Variants in MRPL44 observed in about 807,000 individuals in gnomAD.
The protein encoded by MRPL44 is mitochondrial ribosomal protein L44.
Under a neutral mutation model 25.9 loss-of-function variants are expected in MRPL44, and 21 were observed. That is an observed-to-expected ratio of 0.81 (90% CI 0.58 to 1.17). The LOEUF is 1.17. Ranked by LOEUF, MRPL44 falls within the 50% of genes most tolerant of loss-of-function variation. The pLI is 0.00. For synonymous variants in MRPL44, 169 were observed against 151.0 expected (o/e 1.12, Z -0.87); for missense variants, 410 against 398.9 (o/e 1.03, Z -0.24).
In MRPL44 at chr2:223,967,248, C is replaced by T. The variant is rs1291565369; in HGVS notation, c.*214C>T. 536 of 515,030 alleles carry T rather than the reference C, an allele frequency of 1.0e-3. 3 individuals are homozygous for T. Among genetic ancestry groups the T allele is most frequent in the African/African-American group, 9.6e-3 (482 of 50,202 alleles). 31.9% of individuals were successfully genotyped at this position (515,030 alleles called of 1,614,324 possible). A position where few individuals can be genotyped will look rare whatever the true frequency, so the allele number is the denominator to read the frequency against. On this transcript the variant is annotated 3_prime_UTR_variant, in exon 4 of 4. Coordinates refer to ENST00000258383, the MANE Select transcript of MRPL44 (RefSeq NM_022915.5). The stretch of plus-strand genomic sequence containing the variant: ...TTTGATCAAATCTTTTTTTTTTTCT[C>T]TTGAGATGGAGTCTTACTCTGTCGC...
rs573530589 is a variant in MRPL44 at position 223,966,917 on chromosome 2, A to G, written c.882A>G (p.Glu294=). 9.9e-6 allele frequency: 16 copies of G among 1,614,182 alleles called. No homozygotes were observed. The African/African-American group carries it at 1.3e-4, about 13-fold the overall frequency. The change falls in exon 4 of 4, where the codon GAA becomes GAG. Residue 294 remains glutamate (E), a synonymous_variant. Transcript: ENST00000258383. Reference sequence around the variant, plus strand: ...GGGAAACAGTATTGGTTGCAGAAGAAGAGGCTGCTCGAGTGGCCCTTAGAA... The same window carrying G: ...GGGAAACAGTATTGGTTGCAGAAGAGGAGGCTGCTCGAGTGGCCCTTAGAA... The part of the protein sequence containing the change: ...GPGETVLVAE[E]EAARVALRKL...
Position 223,966,852 on chromosome 2 carries a change from T to C in MRPL44, c.828-11T>C, listed in dbSNP as rs1559186450. 1 of 1,608,436 alleles carries C rather than the reference T, an allele frequency of 6.2e-7. No homozygotes were observed. Among genetic ancestry groups the C allele is most frequent in the African/African-American group, 1.3e-5 (1 of 74,508 alleles). On this transcript the variant is annotated splice_polypyrimidine_tract_variant and intron_variant, in intron 3 of 3. Transcript: ENST00000258383. ...CATGTAATTTAAGACTACTGTTTGT[T>C]CTCTTTCTAGTGATAAAAAGTTGAT... is the stretch of plus-strand genomic sequence containing the variant.
At chr2:223,965,592 A>G (rs1401651478) in intron 3 of MRPL44, 1 of 152,226 alleles carries the variant, frequency 6.6e-6, no homozygotes, top group Non-Finnish European at 1.5e-5. Context: ...AAATAGGATT[A>G]TAGTTATTTG....
chr2:223,958,939 G>A (rs1689612694), intron 1 of MRPL44, among the ~76,000 whole-genome samples: 1 of 152,178 alleles, frequency 6.6e-6, no homozygotes, highest in South Asian at 2.1e-4. Context: ...GACACAAAGT[G>A]AGCACATGCA....
In MRPL44 at chr2:223,959,642, C is replaced by G; in HGVS notation, c.288C>G (p.Cys96Trp). The change falls in exon 2 of 4, where the codon TGC becomes TGG. Residue 96 changes from cysteine to tryptophan, a missense_variant. Cys to Trp is a radical substitution (Grantham distance 215). Transcript: ENST00000258383. ...TCAAAACTGCATTTGTTAATAGCTG[C>G]TATATTAAAAGTGAGGAGGCCAAAC... ...DLLKTAFVNS[C>W]YIKSEEAKRQ... The G allele has an allele frequency of 6.2e-7, 1 of 1,614,134 alleles. No individual in the cohort carries two copies.
chr2:223,957,707 C>A, intron 1 of MRPL44, 56 bp downstream of exon 1: 1 of 1,534,280 alleles, frequency 6.5e-7, no homozygotes, highest in Non-Finnish European at 8.7e-7. Context: ...ACTGGGTCTT[C>A]TTCCCGCGGC....
At chr2:223,959,313 G>A (rs112387418) in intron 1 of MRPL44, among the ~76,000 whole-genome samples, 1 of 152,084 alleles carries the variant, frequency 6.6e-6, no homozygotes, top group Non-Finnish European at 1.5e-5. Context: ...TGGATCAAAG[G>A]GAAAATTAAT....
the MRPL44 span, among the ~76,000 whole-genome samples, chr2:223,951,888 G>A: frequency 6.6e-6 from 1 of 152,168 alleles, no homozygotes; most frequent in Non-Finnish European, 1.5e-5. Flanking sequence ...TAGTTGTACT[G>A]TAAGAATGAT....
At chr2:223,960,388 G>A (rs1362152000) in intron 2 of MRPL44, among the ~76,000 whole-genome samples, 1 of 152,232 alleles carries the variant, frequency 6.6e-6, no homozygotes, top group African/African-American at 2.4e-5. Flanking sequence ...GTGATGAAAT[G>A]TTGGATTTCA....
chr2:223,957,701 G>A (rs1279403597), intron 1 of MRPL44, 50 bp downstream of exon 1: 1 of 1,551,960 alleles, frequency 6.4e-7, no homozygotes, highest in East Asian at 2.3e-5. Flanking sequence ...GCAGACACTG[G>A]GTCTTCTTCC....
At position 223,957,480 on chromosome 2, in the gene MRPL44, C is replaced by A. The variant is rs370632812; in HGVS notation, c.8C>A (p.Ser3Tyr). The A allele has an allele frequency of 6.2e-7, 1 of 1,614,158 alleles. No homozygotes were observed. Among genetic ancestry groups the A allele is most frequent in the Non-Finnish European group, 8.5e-7 (1 of 1,180,026 alleles). The stretch of plus-strand genomic sequence containing the variant: ...ATCGTTTTCTCTCGTGCAATGGCGT[C>A]CGGGCTGGTAAGATTGCTGCAGCAG... MA[S>Y]GLVRLLQQGH... is the part of the protein sequence containing the mutation. The change falls in exon 1 of 4, where the codon TCC becomes TAC. Residue 3 changes from serine to tyrosine, a missense_variant. Ser to Tyr is a moderately radical substitution (Grantham distance 144). Coordinates refer to ENST00000258383, the MANE Select transcript of MRPL44 (RefSeq NM_022915.5).
rs746740405 is a variant in MRPL44 at position 223,957,463 on chromosome 2, C to T, written c.-10C>T. ...CTTTCGTTCCGTCTTCCATCGTTTTCTCTCGTGCAATGGCGTCCGGGCTGG... is the reference window on the plus strand; with the variant it reads ...CTTTCGTTCCGTCTTCCATCGTTTTTTCTCGTGCAATGGCGTCCGGGCTGG... On this transcript the variant is annotated 5_prime_UTR_variant, in exon 1 of 4. Transcript: ENST00000258383. 1 of 1,614,150 alleles carries T rather than the reference C, an allele frequency of 6.2e-7. No homozygotes were observed. The highest frequency in any genetic ancestry group is 8.5e-7 in the Non-Finnish European group (1 of 1,180,020).
rs548203672 is a variant in MRPL44, at chr2:223,958,074, A to G, written c.179+423A>G. 1.6e-4 allele frequency among the ~76,000 whole-genome samples: 25 copies of G among 152,304 alleles called. No homozygotes were observed. The South Asian group carries it at 5.0e-3, about 30-fold the overall frequency. On this transcript the variant is annotated intron_variant, in intron 1 of 3. Transcript: ENST00000258383. The stretch of plus-strand genomic sequence containing the variant: ...TCTGCTGTCTAGAGTAAAAGGAAAA[A>G]AAGTTAGCTTTAGATTTTTGCCCTA...
Position 223,959,591 on chromosome 2 carries a change from A to G in MRPL44, c.237A>G (p.Leu79=), listed in dbSNP as rs148801056. 133 of 1,613,894 alleles carry G rather than the reference A, an allele frequency of 8.2e-5. No homozygotes were observed. The highest frequency in any genetic ancestry group is 9.7e-5 in the Non-Finnish European group (115 of 1,179,974). ...HAEIQAFGHR[L]QENFSLDLLK... ...AAATACAAGCTTTTGGACATCGGTT[A>G]CAGGAAAACTTTTCCTTAGATCTTC... The change falls in exon 2 of 4, where the codon TTA becomes TTG. Residue 79 remains leucine, a synonymous_variant. Coordinates refer to ENST00000258383, the MANE Select transcript of MRPL44 (RefSeq NM_022915.5).
At chr2:223,960,052 T>C (rs1689634386) in intron 2 of MRPL44, 50 bp downstream of exon 2, 7 of 1,409,938 alleles carry the variant, frequency 5.0e-6, no homozygotes, top group Non-Finnish European at 6.8e-6. Context: ...AGGGAAAATA[T>C]TCTTTTGTAA....
upstream of MRPL44, among the ~76,000 whole-genome samples, chr2:223,954,182 T>C (rs184990909): frequency 6.6e-6 from 1 of 152,310 alleles, no homozygotes; most frequent in Non-Finnish European, 1.5e-5. Context: ...CCTGACGACT[T>C]TGTGCATGTT....
In MRPL44 at chr2:223,963,930, T is replaced by C. The variant is rs1438637088; in HGVS notation, c.823T>C (p.Tyr275His). ...TTTGCCTTTGTATTTTGTTGGCTTA[T>C]ACTGGTTAGTGAAATTTTAATCTTA... ...TALPLYFVGL[Y>H]CDKKLIAEGP... Residue 275 changes from tyrosine to histidine, a missense_variant, in exon 3 of 4, where the codon TAC becomes CAC. By Grantham distance (83) the Tyr-to-His change is moderately conservative. Coordinates refer to ENST00000258383, the MANE Select transcript of MRPL44 (RefSeq NM_022915.5). 21 of 1,609,940 alleles carry C rather than the reference T, an allele frequency of 1.3e-5. No individual in the cohort carries two copies. Among genetic ancestry groups the C allele is most frequent in the Non-Finnish European group, 1.7e-5 (20 of 1,178,676 alleles).
chr2:223,959,440 A>G (rs1689621076), intron 1 of MRPL44, 94 bp from the exon 2 acceptor site: 2 of 951,362 alleles, frequency 2.1e-6, no homozygotes, highest in African/African-American at 1.6e-5. Flanking sequence ...CATTTCCTTT[A>G]TATAATTAAT....
At chr2:223,952,233 C>T in the MRPL44 span, among the ~76,000 whole-genome samples, 5 of 152,102 alleles carry the variant, frequency 3.3e-5, no homozygotes, top group African/African-American at 1.2e-4. Context: ...AAAGAAGAAA[C>T]CAGGGTATTT....
Sources: allele counts gnomAD v4.1 joint callset (sites outside exome capture counted in the v4.1 genomes callset), GRCh38; gene constraint gnomAD v4.1.1; transcripts MANE v1.5; gene names NCBI Gene and HGNC (gene_info 2026-07-23, HGNC 2026-07-21).